The following EDA variants were observed in gnomAD, a reference collection of about 807,000 sequenced individuals.
The protein encoded by EDA is ectodysplasin A.
A neutral mutation model predicts 23.6 loss-of-function variants in EDA; 2 were observed. That is an observed-to-expected ratio of 0.08 (90% CI 0.03 to 0.27). The LOEUF is 0.27. Ranked by LOEUF, EDA falls within the 10% of genes least tolerant of loss-of-function variation. EDA has a pLI of 1.00. For synonymous variants in EDA, 131 were observed against 132.0 expected (o/e 0.99, Z 0.05); for missense variants, 229 against 324.2 (o/e 0.71, Z 2.26).
intron 2 of EDA, among the ~76,000 whole-genome samples, chrX:70,003,646 A>G (rs1013761072): frequency 1.8e-5 from 2 of 112,196 alleles, no homozygotes; most frequent in African/African-American, 3.2e-5. Flanking sequence ...TTTCCCAAAC[A>G]GTACAATACA....
Position 69,740,235 on chromosome X carries a change from C to CT in EDA, c.396+123532dup, listed in dbSNP as rs1347547051. Among the ~76,000 whole-genome samples, 3 of 111,553 alleles carry CT rather than the reference C, an allele frequency of 2.7e-5. No homozygotes were observed. In the East Asian group the frequency reaches 8.4e-4, roughly 31 times the overall value. On this transcript the variant is annotated intron_variant, in intron 1 of 7. Transcript: ENST00000374552. ...TGTATAATTACCTTTACAAAACACTCTGTGTTTTTCTCTATGGGATCAAAT... is the reference window on the plus strand; with the variant it reads ...TGTATAATTACCTTTACAAAACACTCTTGTGTTTTTCTCTATGGGATCAAAT...
chrX:69,909,191 AT>A (rs745466810), intron 1 of EDA, among the ~76,000 whole-genome samples: 1 of 111,478 alleles, frequency 9.0e-6, no homozygotes, highest in African/African-American at 3.3e-5. Flanking sequence ...CCCATTACCC[AT>A]TTAAAGGCAT....
intron 1 of EDA, among the ~76,000 whole-genome samples, chrX:69,774,509 T>C (rs1856314183): frequency 1.8e-5 from 2 of 112,069 alleles, no homozygotes; most frequent in African/African-American, 3.2e-5. Context: ...TGGAGAGTTA[T>C]TATCTTTTGT....
At chrX:69,637,408 C>T in intron 1 of EDA, among the ~76,000 whole-genome samples, 1 of 111,627 alleles carries the variant, frequency 9.0e-6, no homozygotes, top group Non-Finnish European at 1.9e-5. Flanking sequence ...AATGAGCCAG[C>T]TGCCTTGGGA....
chrX:69,780,475 C>T (rs1465913797), intron 1 of EDA, among the ~76,000 whole-genome samples: 1 of 111,503 alleles, frequency 9.0e-6, no homozygotes, highest in Admixed American at 9.5e-5. Flanking sequence ...ACATTTTCAT[C>T]ACCATAACAA....
chrX:70,000,272 G>A (rs2019722636), intron 2 of EDA, among the ~76,000 whole-genome samples: 1 of 111,898 alleles, frequency 8.9e-6, no homozygotes, highest in East Asian at 2.8e-4. Context: ...CACTGTTGGG[G>A]AATTATACAA....
At chrX:69,630,248 C>G (rs1307176784) in intron 1 of EDA, among the ~76,000 whole-genome samples, 1 of 111,414 alleles carries the variant, frequency 9.0e-6, no homozygotes, top group Non-Finnish European at 1.9e-5. Flanking sequence ...GTATTAAATG[C>G]TAGAATTCTA....
At chrX:69,749,181 A>C (rs762270724) in intron 1 of EDA, among the ~76,000 whole-genome samples, 29 of 79,720 alleles carry the variant, frequency 3.6e-4, no homozygotes, top group African/African-American at 1.3e-3. Flanking sequence ...GAGTGAGAAT[A>C]TGCGGTGTTT....
rs771683104 is a variant in EDA, at chrX:69,749,919, GTTCTTTT to G, written c.396+133218_396+133224del. ...TTTTTAGAAACTTCCTCTCACTAAG[GTTCTTTT>G]TTTTTTTTTTTTTTTTTTTTTTTGG... On this transcript the variant is annotated intron_variant, in intron 1 of 7. Transcript: ENST00000374552. Among the ~76,000 whole-genome samples, 14 of 48,608 alleles carry G rather than the reference GTTCTTTT, an allele frequency of 2.9e-4. 1 individual carries two copies. The East Asian group carries it at 5.3e-3, about 18-fold the overall frequency. 42.2% of individuals were successfully genotyped at this position (48,608 alleles called of 115,157 possible). A position where few individuals can be genotyped will look rare whatever the true frequency, so the allele number is the denominator to read the frequency against.
At chrX:69,929,433 G>A (rs1405690030) in intron 1 of EDA, among the ~76,000 whole-genome samples, 3 of 111,243 alleles carry the variant, frequency 2.7e-5, no homozygotes, top group South Asian at 3.8e-4. Flanking sequence ...CAGAGTGAGC[G>A]AATGATAATT....
chrX:69,965,710 C>T (rs978146554), intron 2 of EDA, among the ~76,000 whole-genome samples: 2 of 112,035 alleles, frequency 1.8e-5, no homozygotes, highest in Non-Finnish European at 3.8e-5. Flanking sequence ...ACTAGTTGAA[C>T]ATGTGCATGT....
At chrX:69,654,261 C>G (rs1410259806) in intron 1 of EDA, among the ~76,000 whole-genome samples, 3 of 111,646 alleles carry the variant, frequency 2.7e-5, no homozygotes, top group Non-Finnish European at 5.6e-5. Flanking sequence ...CATCTCACAC[C>G]AGTTAGAGTG....
intron 1 of EDA, among the ~76,000 whole-genome samples, chrX:69,918,417 A>G (rs1200394806): frequency 9.0e-6 from 1 of 111,625 alleles, no homozygotes; most frequent in African/African-American, 3.3e-5. Flanking sequence ...TCAGCCTCCC[A>G]AAGTGCTGGG....
chrX:69,722,364 C>T (rs1446062895), intron 1 of EDA, among the ~76,000 whole-genome samples: 1 of 109,497 alleles, frequency 9.1e-6, no homozygotes, highest in Non-Finnish European at 1.9e-5. Context: ...CACCACCACG[C>T]CTGGCTCATT....
chrX:69,745,475 C>CA (rs1244477499), intron 1 of EDA, among the ~76,000 whole-genome samples: 1 of 110,898 alleles, frequency 9.0e-6, no homozygotes. Flanking sequence ...TCAGCTGTCA[C>CA]AAAAAAACAA....
At chrX:69,726,531 AC>A (rs1256787682) in intron 1 of EDA, among the ~76,000 whole-genome samples, 1 of 112,640 alleles carries the variant, frequency 8.9e-6, no homozygotes. Flanking sequence ...TGCTCCTCTA[AC>A]TTTTAATATA....
At chrX:69,885,847 A>G (rs2017820693) in intron 1 of EDA, among the ~76,000 whole-genome samples, 1 of 112,235 alleles carries the variant, frequency 8.9e-6, no homozygotes, top group African/African-American at 3.2e-5. Flanking sequence ...CCATCTGCCA[A>G]GAGGCCCAGG....
At chrX:69,896,197 C>A (rs1459856841) in intron 1 of EDA, among the ~76,000 whole-genome samples, 3 of 111,507 alleles carry the variant, frequency 2.7e-5, no homozygotes, top group African/African-American at 9.8e-5. Context: ...TCTAATCTCT[C>A]TTCTGATAAG....
At chrX:69,787,370 C>G (rs1390934286) in intron 1 of EDA, among the ~76,000 whole-genome samples, 4 of 102,631 alleles carry the variant, frequency 3.9e-5, no homozygotes, top group Non-Finnish European at 8.1e-5. Flanking sequence ...TTAGTTGATG[C>G]AGTTTCTTCC....
Sources: gnomAD v4.1 joint callset for allele counts (sites outside exome capture counted in the v4.1 genomes callset) on GRCh38, gnomAD v4.1.1 for gene constraint, MANE v1.5 for transcripts, NCBI Gene and HGNC (gene_info 2026-07-23, HGNC 2026-07-21) for gene names.